Variants in PDLIM1 observed in about 807,000 individuals in gnomAD.
PDLIM1 encodes PDZ and LIM domain protein 1.
In PDLIM1, 25 loss-of-function variants were observed where a neutral mutation model predicts 35.2. The observed-to-expected ratio is 0.71, with a 90% confidence interval of 0.52 to 0.99. PDLIM1 has a LOEUF of 0.99. Ranked by LOEUF, PDLIM1 falls within the 50% of genes least tolerant of loss-of-function variation. The pLI is 0.00. For missense variants in PDLIM1, 363 were observed against 415.3 expected, an observed-to-expected ratio of 0.87 and a Z score of 1.09; for synonymous variants, 152 against 154.0, an observed-to-expected ratio of 0.99 and a Z score of 0.10.
intron 3 of PDLIM1, among the ~76,000 whole-genome samples, chr10:95,266,904 G>A (rs1273920734): frequency 6.6e-6 from 1 of 152,210 alleles, no homozygotes; most frequent in African/African-American, 2.4e-5. Flanking sequence ...AGTCTCCAAG[G>A]AAACTCAATA....
chr10:95,290,276 C>T lies in PDLIM1; in HGVS notation c.96+544G>A, dbSNP rs2035641182. 6.6e-6 allele frequency among the ~76,000 whole-genome samples: 1 copy of T among 152,140 alleles called. No individual in the cohort carries two copies. Among genetic ancestry groups the T allele is most frequent in the Admixed American group, 6.5e-5 (1 of 15,282 alleles). On this transcript the variant is annotated intron_variant, in intron 1 of 6. Transcript: ENST00000329399. The surrounding 1 kb of genome is among the most constrained non-coding windows in gnomAD (Gnocchi z 4.7). ...TGTTGTGTTTATTTCCCGAATCCAG[C>T]ACATTCTCCAAAAGCCATTCGAGGG...
chr10:95,253,683 G>A (rs987211540), intron 4 of PDLIM1, among the ~76,000 whole-genome samples: 11 of 151,386 alleles, frequency 7.3e-5, no homozygotes, highest in Non-Finnish European at 1.0e-4. Context: ...AGGAATCTTG[G>A]AATATCGAGA....
chr10:95,248,354 T>G (rs936166777), intron 4 of PDLIM1, among the ~76,000 whole-genome samples: 8 of 152,116 alleles, frequency 5.3e-5, no homozygotes, highest in African/African-American at 1.9e-4. Context: ...AATAGATAAA[T>G]CCTCCTGCCT....
chr10:95,263,847 A>G lies in PDLIM1; in HGVS notation c.533+17T>C. The G allele has an allele frequency of 2.5e-6, 4 of 1,592,990 alleles. No homozygotes were observed. Among genetic ancestry groups the G allele is most frequent in the Non-Finnish European group, 3.4e-6 (4 of 1,167,666 alleles). ...CCTCCCAGGAGCGGCTCAGAGGAGG[A>G]CTCCTGGGCTACTTACGGTCTGCTG... On this transcript the variant is annotated intron_variant, in intron 4 of 6. Transcript: ENST00000329399.
chr10:95,246,627 T>C (rs1053274283), intron 5 of PDLIM1, among the ~76,000 whole-genome samples: 1 of 152,154 alleles, frequency 6.6e-6, no homozygotes, highest in African/African-American at 2.4e-5. Context: ...AGGAGTTTTA[T>C]CCCTGATGGA....
chr10:95,244,108 AT>A (rs969044415), intron 5 of PDLIM1, among the ~76,000 whole-genome samples: 16 of 152,316 alleles, frequency 1.1e-4, no homozygotes, highest in Admixed American at 9.2e-4. Flanking sequence ...TAAATTTTAT[AT>A]TAAGTATATT....
chr10:95,270,405 G>A (rs2035454401), intron 2 of PDLIM1, among the ~76,000 whole-genome samples: 1 of 151,968 alleles, frequency 6.6e-6, no homozygotes, highest in African/African-American at 2.4e-5. Flanking sequence ...ACAAAGAGCT[G>A]TGGCAGCTAA....
intron 4 of PDLIM1, among the ~76,000 whole-genome samples, chr10:95,248,806 CT>C (rs1274272522): frequency 6.6e-6 from 1 of 152,224 alleles, no homozygotes; most frequent in African/African-American, 2.4e-5. Context: ...CTGGGAAACA[CT>C]AGCTTCACAG....
At position 95,264,051 on chromosome 10, in the gene PDLIM1, T is replaced by C. The variant is rs1290378515; in HGVS notation, c.346A>G (p.Ile116Val). The C allele has an allele frequency of 6.2e-7, 1 of 1,613,448 alleles. No homozygotes were observed. Among genetic ancestry groups the C allele is most frequent in the Non-Finnish European group, 8.5e-7 (1 of 1,179,772 alleles). ...LASEPQEVLH[I>V]GSAHNRSAMP... ...GCACTTCGGTTGTGGGCGCTTCCTA[T>C]GTGCAGGACCTCCTGCAGGCAGGGA... The change falls in exon 4 of 7, where the codon ATA becomes GTA. Residue 116 changes from isoleucine to valine, a missense_variant. Coordinates refer to ENST00000329399, the MANE Select transcript of PDLIM1 (RefSeq NM_020992.4).
rs1256983819 is a variant in PDLIM1, at chr10:95,290,119, C to G, written c.96+701G>C. 2.6e-5 allele frequency among the ~76,000 whole-genome samples: 4 copies of G among 152,166 alleles called. No individual in the cohort carries two copies. Among genetic ancestry groups the G allele is most frequent in the Admixed American group, 1.3e-4 (2 of 15,280 alleles). On this transcript the variant is annotated intron_variant, in intron 1 of 6. Transcript: ENST00000329399. The surrounding 1 kb of genome is among the most constrained non-coding windows in gnomAD (Gnocchi z 4.7). ...CCAGGTGGACACCCCATCGCAGTAT[C>G]TACTCATGCCCTGAGAAAAAAGGGC...
chr10:95,285,691 C>T (rs1341139990), intron 1 of PDLIM1, among the ~76,000 whole-genome samples: 1 of 152,144 alleles, frequency 6.6e-6, no homozygotes, highest in African/African-American at 2.4e-5. Context: ...AGCCGGACTC[C>T]CCAGCCAAAC....
At chr10:95,246,629 C>A (rs2133412483) in intron 5 of PDLIM1, among the ~76,000 whole-genome samples, 1 of 152,204 alleles carries the variant, frequency 6.6e-6, no homozygotes, top group Non-Finnish European at 1.5e-5. Context: ...GAGTTTTATC[C>A]CTGATGGACA....
At chr10:95,286,305 C>T (rs956768374) in intron 1 of PDLIM1, among the ~76,000 whole-genome samples, 4 of 151,664 alleles carry the variant, frequency 2.6e-5, no homozygotes, top group Admixed American at 6.6e-5. Context: ...TGCAGTGAGC[C>T]GAGATCATGC....
At chr10:95,264,099 C>A (rs2035390904) in intron 3 of PDLIM1, 36 bp from the exon 4 acceptor site, 5 of 1,566,036 alleles carry the variant, frequency 3.2e-6, no homozygotes, top group Non-Finnish European at 4.4e-6. Context: ...TCAAGGGGGG[C>A]ATCCAATGCA....
At position 95,245,273 on chromosome 10, in the gene PDLIM1, G is replaced by A. The variant is rs534125698; in HGVS notation, c.685+1942C>T. Among the ~76,000 whole-genome samples the A allele has an allele frequency of 9.2e-5, 14 of 152,302 alleles. 1 individual carries two copies. The East Asian group carries it at 2.1e-3, about 23-fold the overall frequency. ...GGCTCATCTGAAATTGGAACTCCCC[G>A]GTTAGCATTATCTCCCTTCTTCCTC... On this transcript the variant is annotated intron_variant, in intron 5 of 6. Coordinates refer to ENST00000329399, the MANE Select transcript of PDLIM1 (RefSeq NM_020992.4).
intron 1 of PDLIM1, among the ~76,000 whole-genome samples, chr10:95,277,652 A>AAATAC (rs1414366242): frequency 6.6e-6 from 1 of 151,958 alleles, no homozygotes; most frequent in Non-Finnish European, 1.5e-5. Flanking sequence ...AAATAAAATA[A>AAATAC]AATAAAATAA....
intron 1 of PDLIM1, among the ~76,000 whole-genome samples, chr10:95,278,921 A>G (rs2035538128): frequency 6.6e-6 from 1 of 152,208 alleles, no homozygotes; most frequent in Non-Finnish European, 1.5e-5. Context: ...GGTCTTTCAG[A>G]AGGCAGTCCT....
intron 3 of PDLIM1, among the ~76,000 whole-genome samples, chr10:95,267,348 T>C (rs902267079): frequency 1.3e-5 from 2 of 152,202 alleles, no homozygotes; most frequent in Non-Finnish European, 2.9e-5. Flanking sequence ...ATAAAATATG[T>C]AAAAATTAAA....
chr10:95,245,715 G>A (rs959996431), intron 5 of PDLIM1, among the ~76,000 whole-genome samples: 6 of 152,144 alleles, frequency 3.9e-5, no homozygotes, highest in African/African-American at 1.2e-4. Flanking sequence ...GGAAAGCAGT[G>A]GTAGAACAGT....
Sources: allele counts gnomAD v4.1 joint callset (sites outside exome capture counted in the v4.1 genomes callset), GRCh38; gene constraint gnomAD v4.1.1; non-coding constraint Gnocchi (gnomAD v3.1); transcripts MANE v1.5; gene names NCBI Gene and HGNC (gene_info 2026-07-23, HGNC 2026-07-21).